The following SNTG1 variants were observed in gnomAD, a reference collection of about 807,000 sequenced individuals.
SNTG1 encodes syntrophin gamma 1.
SNTG1 carries 39 observed loss-of-function variants against 74.7 expected under a neutral mutation model. The observed-to-expected ratio is 0.52, with a 90% CI of 0.40 to 0.68. The LOEUF is 0.68. Ranked by LOEUF, SNTG1 falls within the 30% of genes least tolerant of loss-of-function variation. The probability of loss-of-function intolerance (pLI) is 0.00; values close to 1 mark genes in which losing one functional copy is unlikely to be tolerated. For synonymous variants in SNTG1, 254 were observed against 217.1 expected (o/e 1.17, Z -1.49); for missense variants, 685 against 609.5 (o/e 1.12, Z -1.30).
chr8:50,342,501 A>C (rs1006060686), intron 2 of SNTG1, among the ~76,000 whole-genome samples: 6 of 152,180 alleles, frequency 3.9e-5, no homozygotes, highest in Non-Finnish European at 8.8e-5. Flanking sequence ...GATTAAAAAA[A>C]TGTTTTGCTA....
intron 12 of SNTG1, among the ~76,000 whole-genome samples, chr8:50,555,408 T>A (rs980436023): frequency 1.3e-5 from 2 of 152,168 alleles, no homozygotes; most frequent in African/African-American, 4.8e-5. Flanking sequence ...AATGTGAAAG[T>A]CACATTGATT....
At chr8:50,544,778 C>T (rs1045665487) in intron 11 of SNTG1, among the ~76,000 whole-genome samples, 5 of 152,040 alleles carry the variant, frequency 3.3e-5, no homozygotes, top group African/African-American at 1.2e-4. Context: ...TTTACTCATT[C>T]ACTCAACCAA....
At chr8:50,581,388 C>A (rs2130820204) in intron 12 of SNTG1, among the ~76,000 whole-genome samples, 1 of 152,224 alleles carries the variant, frequency 6.6e-6, no homozygotes, top group East Asian at 1.9e-4. Flanking sequence ...CTTTTTTGAA[C>A]AGAAATCAAT....
Position 50,608,261 on chromosome 8 carries a change from T to C in SNTG1, c.849+17344T>C, listed in dbSNP as rs1585832941. 2.6e-5 allele frequency among the ~76,000 whole-genome samples: 4 copies of C among 151,856 alleles called. No homozygotes were observed. The East Asian group carries it at 7.7e-4, about 29-fold the overall frequency. ...AGGTTTTCTATATTTCTATTGACTA[T>C]TCAGTTAGTTTTTCTATCAATTATT... On this transcript the variant is annotated intron_variant, in intron 13 of 18. Transcript: ENST00000642720.
chr8:50,024,479 T>C (rs1817089715), intron 1 of SNTG1, among the ~76,000 whole-genome samples: 1 of 152,134 alleles, frequency 6.6e-6, no homozygotes, highest in Admixed American at 6.5e-5. Flanking sequence ...GTCAGTTGTG[T>C]TTCATTACTC....
intron 4 of SNTG1, among the ~76,000 whole-genome samples, chr8:50,422,901 G>A (rs1037704849): frequency 1.8e-4 from 28 of 152,100 alleles, no homozygotes; most frequent in African/African-American, 6.3e-4. Flanking sequence ...TTGGCAAAGG[G>A]CTATTACCAT....
rs542630082 is a variant in SNTG1, at chr8:50,251,701, A to G, written c.-28+79066A>G. Among the ~76,000 whole-genome samples the G allele has an allele frequency of 6.6e-4, 100 of 152,176 alleles. 2 individuals are homozygous for G. In the Middle Eastern group the frequency reaches 0.01, roughly 16 times the overall value. On this transcript the variant is annotated intron_variant, in intron 2 of 18. Transcript: ENST00000642720. Reference sequence around the variant, plus strand: ...ACAATTATGAATATGTATGCACCCAAAACAGGTCTAGCAAGTATTACTAGA... The same window carrying G: ...ACAATTATGAATATGTATGCACCCAGAACAGGTCTAGCAAGTATTACTAGA...
intron 3 of SNTG1, among the ~76,000 whole-genome samples, chr8:50,395,049 A>G (rs1443404290): frequency 6.6e-6 from 1 of 152,126 alleles, no homozygotes; most frequent in Non-Finnish European, 1.5e-5. Context: ...CTAGGGAAAG[A>G]CTTCAGTTCT....
chr8:50,676,611 T>C (rs1353147487), intron 15 of SNTG1, among the ~76,000 whole-genome samples: 2 of 151,960 alleles, frequency 1.3e-5, no homozygotes, highest in African/African-American at 4.8e-5. Flanking sequence ...CTGATTCTTT[T>C]AGTTTTTTCT....
Position 50,240,666 on chromosome 8 carries a change from T to C in SNTG1, c.-28+68031T>C, listed in dbSNP as rs2086125256. 2.6e-5 allele frequency among the ~76,000 whole-genome samples: 4 copies of C among 152,274 alleles called. No homozygotes were observed. In the South Asian group the frequency reaches 8.3e-4, roughly 32 times the overall value. On this transcript the variant is annotated intron_variant, in intron 2 of 18. Transcript: ENST00000642720. Reference sequence around the variant, plus strand: ...AGTCAAGCTCCATCCTCCCCGACATTGTCTCAGCCCATAGTTAAGCAACAC... The same window carrying C: ...AGTCAAGCTCCATCCTCCCCGACATCGTCTCAGCCCATAGTTAAGCAACAC...
intron 2 of SNTG1, among the ~76,000 whole-genome samples, chr8:50,372,296 G>A (rs985990694): frequency 1.6e-4 from 23 of 147,924 alleles, no homozygotes; most frequent in Admixed American, 6.8e-4. Context: ...ATTTTTTTTC[G>A]GGTTACCATG....
intron 6 of SNTG1, 42 bp from the exon 7 acceptor site, chr8:50,450,514 A>C (rs773198258): frequency 3.0e-5 from 48 of 1,604,112 alleles, no homozygotes; most frequent in Non-Finnish European, 4.0e-5. Context: ...CTGCATAACA[A>C]AAACAGTCAA....
intron 1 of SNTG1, among the ~76,000 whole-genome samples, chr8:49,959,702 G>C (rs966929606): frequency 2.0e-5 from 3 of 152,186 alleles, no homozygotes; most frequent in Non-Finnish European, 2.9e-5. Flanking sequence ...AGCAGTTGAT[G>C]AATATTTCAC....
At chr8:50,649,197 G>A (rs1585954023) in intron 13 of SNTG1, among the ~76,000 whole-genome samples, 1 of 152,086 alleles carries the variant, frequency 6.6e-6, no homozygotes, top group South Asian at 2.1e-4. Flanking sequence ...TGTGAACACT[G>A]GTACACATAC....
At chr8:50,245,209 T>A (rs1480807371) in intron 2 of SNTG1, among the ~76,000 whole-genome samples, 2 of 152,148 alleles carry the variant, frequency 1.3e-5, no homozygotes, top group Non-Finnish European at 2.9e-5. Flanking sequence ...TTGAAAATCA[T>A]GCTTGGGGCT....
chr8:50,099,008 G>A (rs547070914), intron 1 of SNTG1, among the ~76,000 whole-genome samples: 1 of 152,214 alleles, frequency 6.6e-6, no homozygotes, highest in African/African-American at 2.4e-5. Flanking sequence ...AGAGGTTACA[G>A]AAGGCATTTT....
At chr8:50,734,729 C>G (rs1192826435) in intron 17 of SNTG1, among the ~76,000 whole-genome samples, 1 of 85,076 alleles carries the variant, frequency 1.2e-5, no homozygotes. Context: ...CATTATATAT[C>G]TATATATATG....
intron 9 of SNTG1, among the ~76,000 whole-genome samples, chr8:50,506,034 A>G (rs2094003556): frequency 6.6e-6 from 1 of 152,082 alleles, no homozygotes; most frequent in Non-Finnish European, 1.5e-5. Flanking sequence ...TATACATAGT[A>G]TAAGGTAAGT....
chr8:50,628,800 G>A (rs2094975411), intron 13 of SNTG1, among the ~76,000 whole-genome samples: 1 of 152,102 alleles, frequency 6.6e-6, no homozygotes, highest in Admixed American at 6.6e-5. Flanking sequence ...AACTTAGAAT[G>A]ACATGAACAA....
Sources: allele counts gnomAD v4.1 joint callset (sites outside exome capture counted in the v4.1 genomes callset), GRCh38; gene constraint gnomAD v4.1.1; transcripts MANE v1.5; gene names NCBI Gene and HGNC (gene_info 2026-07-23, HGNC 2026-07-21).